The following BCAS3 variants were observed in gnomAD, a reference collection of about 807,000 sequenced individuals.
BCAS3 encodes BCAS3 microtubule associated cell migration factor.
A neutral mutation model predicts 116.1 loss-of-function variants in BCAS3; 53 were observed. The ratio of observed to expected loss-of-function variants is 0.46; its 90% CI spans 0.37 to 0.57. BCAS3 has a LOEUF of 0.57. Ranked by LOEUF, BCAS3 falls within the 20% of genes least tolerant of loss-of-function variation. The probability of loss-of-function intolerance (pLI) is 0.00; values close to 1 mark genes in which losing one functional copy is unlikely to be tolerated. For synonymous variants in BCAS3, 391 were observed against 408.2 expected, an observed-to-expected ratio of 0.96 and a Z score of 0.51; for missense variants, 917 against 1,165.4, an observed-to-expected ratio of 0.79 and a Z score of 3.10.
chr17:60,973,738 G>A (rs577181519), intron 14 of BCAS3, among the ~76,000 whole-genome samples: 7 of 151,710 alleles, frequency 4.6e-5, no homozygotes, highest in South Asian at 2.1e-4. Context: ...GATTACAGGC[G>A]CATGCACCAC....
intron 22 of BCAS3, among the ~76,000 whole-genome samples, chr17:61,298,300 C>T (rs1335033736): frequency 6.6e-6 from 1 of 152,166 alleles, no homozygotes; most frequent in Non-Finnish European, 1.5e-5. Flanking sequence ...GAGACACTCA[C>T]TACAGCCCTT....
At chr17:61,031,092 G>C (rs1420945122) in intron 16 of BCAS3, among the ~76,000 whole-genome samples, 1 of 151,920 alleles carries the variant, frequency 6.6e-6, no homozygotes, top group Non-Finnish European at 1.5e-5. Context: ...CAAACACCCA[G>C]AGAAATTCTT....
chr17:61,294,416 G>A (rs2052706895), intron 22 of BCAS3, among the ~76,000 whole-genome samples: 1 of 152,096 alleles, frequency 6.6e-6, no homozygotes, highest in African/African-American at 2.4e-5. Context: ...GTCCTACAAG[G>A]AACAAGCAGA....
chr17:60,714,105 G>C (rs2038263940), intron 5 of BCAS3, among the ~76,000 whole-genome samples: 1 of 152,090 alleles, frequency 6.6e-6, no homozygotes, highest in Admixed American at 6.6e-5. Flanking sequence ...CCAAAGTGCT[G>C]GGATTACAGG....
At chr17:60,797,863 A>AT (rs2047355811) in intron 6 of BCAS3, among the ~76,000 whole-genome samples, 1 of 152,162 alleles carries the variant, frequency 6.6e-6, no homozygotes, top group African/African-American at 2.4e-5. Flanking sequence ...CAACATGGCG[A>AT]GACCCCGTTT....
chr17:60,727,593 T>G, intron 5 of BCAS3: 1 of 794,724 alleles, frequency 1.3e-6, no homozygotes. Context: ...ACTTTATTTT[T>G]AAGGGCAGTT....
At chr17:60,869,983 T>G (rs2054956102) in intron 8 of BCAS3, among the ~76,000 whole-genome samples, 1 of 152,240 alleles carries the variant, frequency 6.6e-6, no homozygotes, top group African/African-American at 2.4e-5. Flanking sequence ...TTTAAAATGT[T>G]TGCTCCATTT....
At chr17:61,262,411 C>T (rs1344929824) in intron 22 of BCAS3, among the ~76,000 whole-genome samples, 3 of 149,936 alleles carry the variant, frequency 2.0e-5, no homozygotes, top group Non-Finnish European at 3.0e-5. Context: ...ATATAATTCT[C>T]ACTCTTTCGC....
intron 22 of BCAS3, among the ~76,000 whole-genome samples, chr17:61,218,061 A>G (rs1422262426): frequency 1.3e-5 from 2 of 152,216 alleles, no homozygotes; most frequent in Non-Finnish European, 2.9e-5. Flanking sequence ...TTGTATCACA[A>G]TCTCAATCCA....
At chr17:60,805,444 CATAAG>C (rs1306957259) in intron 6 of BCAS3, among the ~76,000 whole-genome samples, 2 of 152,128 alleles carry the variant, frequency 1.3e-5, no homozygotes, top group African/African-American at 4.8e-5. Flanking sequence ...ATTAAACTGA[CATAAG>C]ATAAATTAAC....
chr17:60,742,385 C>G (rs1381475248), intron 5 of BCAS3, among the ~76,000 whole-genome samples: 1 of 147,486 alleles, frequency 6.8e-6, no homozygotes, highest in Non-Finnish European at 1.5e-5. Context: ...ACAAAGTAAT[C>G]TATTCAGCAT....
chr17:60,911,670 G>A (rs866897276), intron 12 of BCAS3, among the ~76,000 whole-genome samples: 12 of 151,682 alleles, frequency 7.9e-5, no homozygotes, highest in African/African-American at 2.9e-4. Context: ...CCTGGCCTCA[G>A]GTGATATGCC....
intron 7 of BCAS3, among the ~76,000 whole-genome samples, chr17:60,819,835 T>C (rs1181691884): frequency 6.6e-6 from 1 of 151,910 alleles, no homozygotes; most frequent in Non-Finnish European, 1.5e-5. Context: ...TGATCCTAGC[T>C]CACTGTAGCC....
At chr17:60,703,265 AC>A (rs1169095896) in intron 4 of BCAS3, among the ~76,000 whole-genome samples, 2 of 145,990 alleles carry the variant, frequency 1.4e-5, no homozygotes, top group African/African-American at 5.1e-5. Context: ...ACAGAGTGAG[AC>A]TCTGTCTCAA....
At chr17:60,853,873 T>C (rs1425450098) in intron 7 of BCAS3, among the ~76,000 whole-genome samples, 1 of 152,216 alleles carries the variant, frequency 6.6e-6, no homozygotes, top group Non-Finnish European at 1.5e-5. Context: ...TAATACTCCA[T>C]TGAATGGATA....
Position 61,368,031 on chromosome 17 carries a change from C to A in BCAS3, c.2426-296C>A, listed in dbSNP as rs112950113. The stretch of plus-strand genomic sequence containing the variant: ...GGGTTGAACCTGGGAAGGGGGTTGC[C>A]TTCCCCGTCCCACTTCTTAAGGTGG... On this transcript the variant is annotated intron_variant, in intron 22 of 23. Transcript: ENST00000407086. This position sits in a 1 kb window ranked among gnomAD's most constrained non-coding sequence, Gnocchi z 6.0. The A allele has an allele frequency of 3.8e-6, 1 of 260,478 alleles. No individual in the cohort carries two copies. Among genetic ancestry groups the A allele is most frequent in the Non-Finnish European group, 6.9e-6 (1 of 144,392 alleles). The allele number at this position is 260,478 out of a possible 1,614,324, so 16.1% of individuals were successfully genotyped here.
chr17:61,139,334 T>C lies in BCAS3; in HGVS notation c.2425+54770T>C, dbSNP rs2076803159. On this transcript the variant is annotated intron_variant, in intron 22 of 23. Coordinates refer to ENST00000407086, the MANE Select transcript of BCAS3 (RefSeq NM_017679.5). This position sits in a 1 kb window ranked among gnomAD's most constrained non-coding sequence, Gnocchi z 4.7. The stretch of plus-strand genomic sequence containing the variant: ...TAAGGAAGTGCGAGAAGGTTAAAGA[T>C]GTCTGTGATCTGGCCAAACGAGGTT... 6.6e-6 allele frequency among the ~76,000 whole-genome samples: 1 copy of C among 152,204 alleles called. No homozygotes were observed. Among genetic ancestry groups the C allele is most frequent in the South Asian group, 2.1e-4 (1 of 4,830 alleles).
At chr17:60,738,550 A>G (rs2041209036) in intron 5 of BCAS3, among the ~76,000 whole-genome samples, 1 of 152,168 alleles carries the variant, frequency 6.6e-6, no homozygotes, top group Non-Finnish European at 1.5e-5. Context: ...TTAGCATGGT[A>G]TATCTTCCTA....
At chr17:61,201,104 G>A (rs1387800210) in intron 22 of BCAS3, among the ~76,000 whole-genome samples, 2 of 152,106 alleles carry the variant, frequency 1.3e-5, no homozygotes, top group Non-Finnish European at 2.9e-5. Context: ...TTAAGATAAT[G>A]TTGAAATAAA....
Sources: allele counts gnomAD v4.1 joint callset (sites outside exome capture counted in the v4.1 genomes callset), GRCh38; gene constraint gnomAD v4.1.1; non-coding constraint Gnocchi (gnomAD v3.1); transcripts MANE v1.5; gene names NCBI Gene and HGNC (gene_info 2026-07-23, HGNC 2026-07-21).